SCAPER: variants seen among roughly 807,000 people sequenced by gnomAD.
SCAPER encodes the protein S phase cyclin A-associated protein in the endoplasmic reticulum.
SCAPER carries 98 observed loss-of-function variants against 182.2 expected under a neutral mutation model. The observed-to-expected ratio is 0.54, with a 90% confidence interval of 0.46 to 0.64. SCAPER has a LOEUF of 0.64. Among genes scored for constraint, SCAPER ranks in the 30% least tolerant of loss-of-function variants. SCAPER has a pLI of 0.00. For synonymous variants in SCAPER, 605 were observed against 564.6 expected, an observed-to-expected ratio of 1.07 and a Z score of -1.01; for missense variants, 1,432 against 1,690.0, an observed-to-expected ratio of 0.85 and a Z score of 2.68.
intron 24 of SCAPER, among the ~76,000 whole-genome samples, chr15:76,478,191 T>C (rs114845726): frequency 0.011 from 1,643 of 151,132 alleles, 38 homozygotes; most frequent in African/African-American, 0.037. Flanking sequence ...CAAAATAAAG[T>C]TGCTATTTAT....
intron 24 of SCAPER, among the ~76,000 whole-genome samples, chr15:76,483,542 T>C (rs572127928): frequency 3.3e-5 from 5 of 152,226 alleles, no homozygotes; most frequent in Admixed American, 2.0e-4. Context: ...TGAAAAGCAC[T>C]GTTAAGAGAA....
Position 76,603,282 on chromosome 15 carries a change from G to A in SCAPER, c.2711+18482C>T, listed in dbSNP as rs1201887459. Among the ~76,000 whole-genome samples the A allele has an allele frequency of 5.9e-5, 7 of 117,938 alleles. 1 individual carries two copies. Among genetic ancestry groups the A allele is most frequent in the Admixed American group, 2.0e-4 (2 of 10,146 alleles). The allele number at this position is 117,938 out of a possible 152,430, so 77.4% of individuals were successfully genotyped here. A position where few individuals can be genotyped will look rare whatever the true frequency, so the allele number is the denominator to read the frequency against. On this transcript the variant is annotated intron_variant, in intron 22 of 31. Transcript: ENST00000563290. Reference sequence around the variant, plus strand: ...TTCCCACCTATGAGCGAGAACATGCGGTGTTTTTTTGTCCTTGCGATAGTT... The same window carrying A: ...TTCCCACCTATGAGCGAGAACATGCAGTGTTTTTTTGTCCTTGCGATAGTT...
intron 22 of SCAPER, among the ~76,000 whole-genome samples, chr15:76,584,415 T>C (rs1350427244): frequency 1.3e-5 from 2 of 152,184 alleles, no homozygotes; most frequent in Admixed American, 6.5e-5. Flanking sequence ...TATAATTGGA[T>C]AGTTTGTGAC....
intron 2 of SCAPER, among the ~76,000 whole-genome samples, chr15:76,875,406 G>A (rs1027176157): frequency 6.6e-6 from 1 of 152,124 alleles, no homozygotes; most frequent in Non-Finnish European, 1.5e-5. Context: ...AACTTTGGCA[G>A]GCCAAAGTAG....
At chr15:76,780,050 A>C (rs1385885589) in intron 8 of SCAPER, among the ~76,000 whole-genome samples, 1 of 152,118 alleles carries the variant, frequency 6.6e-6, no homozygotes, top group Non-Finnish European at 1.5e-5. Context: ...CGCCCACAAA[A>C]GGCGAGCCAA....
At chr15:76,459,091 A>G (rs527615475) in intron 25 of SCAPER, among the ~76,000 whole-genome samples, 34 of 152,122 alleles carry the variant, frequency 2.2e-4, no homozygotes, top group African/African-American at 7.7e-4. Flanking sequence ...GAGATGGACT[A>G]TGTTGCCAAG....
At chr15:76,378,963 C>A (rs1244678680) in intron 28 of SCAPER, among the ~76,000 whole-genome samples, 1 of 152,162 alleles carries the variant, frequency 6.6e-6, no homozygotes, top group African/African-American at 2.4e-5. Context: ...GTAGCCATGA[C>A]ATCATGGAGC....
intron 14 of SCAPER, among the ~76,000 whole-genome samples, chr15:76,759,657 G>A (rs1182789372): frequency 6.6e-6 from 1 of 152,166 alleles, no homozygotes; most frequent in Non-Finnish European, 1.5e-5. Context: ...CTAGTATGTT[G>A]AGGGTTTTTT....
chr15:76,685,539 T>C (rs2057991991), intron 20 of SCAPER, among the ~76,000 whole-genome samples: 1 of 152,090 alleles, frequency 6.6e-6, no homozygotes, highest in South Asian at 2.1e-4. Context: ...CAGGGGGAAT[T>C]ATAAAACCTA....
intron 4 of SCAPER, among the ~76,000 whole-genome samples, chr15:76,844,827 A>T (rs1329154830): frequency 6.6e-6 from 1 of 152,176 alleles, no homozygotes; most frequent in African/African-American, 2.4e-5. Context: ...ACTATTCCAA[A>T]AACAGAGGAG....
At chr15:76,423,795 G>C (rs1219203367) in intron 26 of SCAPER, among the ~76,000 whole-genome samples, 1 of 152,128 alleles carries the variant, frequency 6.6e-6, no homozygotes, top group African/African-American at 2.4e-5. Context: ...CTTTAAATGT[G>C]TCCCAGAGAT....
intron 21 of SCAPER, among the ~76,000 whole-genome samples, chr15:76,626,561 A>G (rs540067748): frequency 6.6e-6 from 1 of 152,286 alleles, no homozygotes; most frequent in Admixed American, 6.5e-5. Context: ...TACTAAAAAT[A>G]CAAAAATTAG....
intron 27 of SCAPER, among the ~76,000 whole-genome samples, chr15:76,395,651 T>A (rs1412550260): frequency 6.6e-6 from 1 of 152,242 alleles, no homozygotes; most frequent in East Asian, 1.9e-4. Context: ...TGTCTTCTTT[T>A]GAGAAATGTC....
intron 21 of SCAPER, among the ~76,000 whole-genome samples, chr15:76,627,912 TA>T (rs2052735373): frequency 6.6e-6 from 1 of 152,188 alleles, no homozygotes; most frequent in African/African-American, 2.4e-5. Flanking sequence ...ACCAACAGTG[TA>T]AAAGCACTCC....
At chr15:76,357,447 G>T (rs1179166995) in intron 29 of SCAPER, among the ~76,000 whole-genome samples, 1 of 152,162 alleles carries the variant, frequency 6.6e-6, no homozygotes, top group Non-Finnish European at 1.5e-5. Context: ...TTATTAAAAA[G>T]TCAAAGAATA....
chr15:76,581,074 T>C (rs2145500570), intron 22 of SCAPER, among the ~76,000 whole-genome samples: 1 of 152,210 alleles, frequency 6.6e-6, no homozygotes, highest in East Asian at 1.9e-4. Flanking sequence ...CCTACACATA[T>C]ACAACCTACC....
intron 5 of SCAPER, among the ~76,000 whole-genome samples, chr15:76,814,737 G>T (rs1277665622): frequency 1.3e-5 from 2 of 152,058 alleles, no homozygotes; most frequent in Non-Finnish European, 2.9e-5. Flanking sequence ...AAAAATTCAT[G>T]CAACAAAAGC....
At chr15:76,476,073 G>A (rs1048298889) in intron 24 of SCAPER, among the ~76,000 whole-genome samples, 4 of 152,156 alleles carry the variant, frequency 2.6e-5, no homozygotes, top group African/African-American at 9.7e-5. Flanking sequence ...GAGGTTGAAT[G>A]TGAGTCAAAG....
At chr15:76,352,270 T>C (rs2040607103) in intron 30 of SCAPER, among the ~76,000 whole-genome samples, 1 of 141,954 alleles carries the variant, frequency 7.0e-6, no homozygotes, top group Non-Finnish European at 1.5e-5. Context: ...ACATACTATT[T>C]GTTTTACTAA....
Sources: allele counts gnomAD v4.1 joint callset (sites outside exome capture counted in the v4.1 genomes callset), GRCh38; gene constraint gnomAD v4.1.1; transcripts MANE v1.5; gene names NCBI Gene and HGNC (gene_info 2026-07-23, HGNC 2026-07-21).